LINGO1: variants seen among roughly 807,000 people sequenced by gnomAD.
LINGO1 encodes the protein leucine rich repeat and Ig domain containing 1.
In LINGO1, 11 loss-of-function variants were observed where a neutral mutation model predicts 37.3. The ratio of observed to expected loss-of-function variants is 0.29; its 90% confidence interval spans 0.19 to 0.49. The LOEUF (loss-of-function observed/expected upper bound fraction) is 0.49, where lower values mean the gene tolerates loss of function less well. Among genes scored for constraint, LINGO1 ranks in the 20% least tolerant of loss-of-function variants. LINGO1 has a pLI of 0.99. For missense variants in LINGO1, 585 were observed against 878.2 expected, an observed-to-expected ratio of 0.67 and a Z score of 4.22; for synonymous variants, 387 against 403.0, an observed-to-expected ratio of 0.96 and a Z score of 0.48.
chr15:77,718,297 C>T (rs1282165366), intron 2 of LINGO1, among the ~76,000 whole-genome samples: 1 of 150,956 alleles, frequency 6.6e-6, no homozygotes, highest in Non-Finnish European at 1.5e-5. Context: ...GGTTTAACAG[C>T]CACATGTATG....
chr15:77,693,057 C>T (rs1364351303), intron 1 of LINGO1, among the ~76,000 whole-genome samples: 1 of 152,220 alleles, frequency 6.6e-6, no homozygotes, highest in Non-Finnish European at 1.5e-5. Context: ...TCCCAGCTTA[C>T]ACACCCATGT....
intron 2 of LINGO1, among the ~76,000 whole-genome samples, chr15:77,793,396 A>G (rs1462994365): frequency 6.6e-6 from 1 of 152,176 alleles, no homozygotes; most frequent in Non-Finnish European, 1.5e-5. Context: ...AGCTTCCTCC[A>G]GGAGTTTAGA....
At chr15:77,713,830 T>C (rs2075950869) in intron 2 of LINGO1, among the ~76,000 whole-genome samples, 1 of 152,148 alleles carries the variant, frequency 6.6e-6, no homozygotes. Flanking sequence ...CCACATCCTT[T>C]TGGCTTTCCT....
At chr15:77,667,173 G>C (rs2075148681) in intron 3 of LINGO1, 1 of 152,580 alleles carries the variant, frequency 6.6e-6, no homozygotes, top group South Asian at 2.1e-4. Context: ...TGATTGCCTT[G>C]CTGTGGAGGT....
At chr15:77,662,861 T>C (rs1025803242) in intron 3 of LINGO1, among the ~76,000 whole-genome samples, 9 of 152,080 alleles carry the variant, frequency 5.9e-5, no homozygotes, top group Non-Finnish European at 1.0e-4. Flanking sequence ...AATATTTCAG[T>C]AGCTGACCAC....
chr15:77,799,879 G>A (rs752719914), intron 1 of LINGO1, among the ~76,000 whole-genome samples: 30 of 152,242 alleles, frequency 2.0e-4, no homozygotes, highest in African/African-American at 4.6e-4. Context: ...TGGAAGACCC[G>A]CCAGCTGTGT....
At chr15:77,668,726 T>C (rs111230315) in intron 3 of LINGO1, among the ~76,000 whole-genome samples, 7 of 150,712 alleles carry the variant, frequency 4.6e-5, no homozygotes, top group East Asian at 2.0e-4. Flanking sequence ...AACACATACA[T>C]TGTACGGTAT....
At chr15:77,680,207 AGTT>A (rs1237128353) in intron 2 of LINGO1, among the ~76,000 whole-genome samples, 4 of 152,180 alleles carry the variant, frequency 2.6e-5, no homozygotes, top group Non-Finnish European at 5.9e-5. Context: ...TAGGTCCCTG[AGTT>A]GTTGTGTGGA....
At chr15:77,776,466 C>CAGGAAGGCAGGAAGGG (rs1567577486) in intron 1 of LINGO1, among the ~76,000 whole-genome samples, 5 of 129,876 alleles carry the variant, frequency 3.8e-5, no homozygotes, top group African/African-American at 1.6e-4. Context: ...GGCAGGAAGG[C>CAGGAAGGCAGGAAGGG]AGGAAGGCAG....
At chr15:77,721,221 A>G (rs11856761) in intron 2 of LINGO1, among the ~76,000 whole-genome samples, 84,310 of 151,270 alleles carry the variant, frequency 0.56, 23,714 homozygotes, top group African/African-American at 0.65. Context: ...CCCGGCCCTA[A>G]CCCCCTCCAG....
chr15:77,802,054 A>G (rs1443341064), intron 1 of LINGO1, among the ~76,000 whole-genome samples: 1 of 152,170 alleles, frequency 6.6e-6, no homozygotes, highest in African/African-American at 2.4e-5. Context: ...TGCTGCAGGA[A>G]GGGAGAGAGA....
Position 77,729,687 on chromosome 15 carries a change from G to T in LINGO1, c.-195+5305C>A, listed in dbSNP as rs551410450. ...AGATGTTGGAATAGATATGGCTCCC[G>T]CTCCTCCAGGAAACCTACTCCTTCT... On this transcript the variant is annotated intron_variant, in intron 2 of 3. Transcript: ENST00000561686. Among the ~76,000 whole-genome samples, 18 of 152,284 alleles carry T rather than the reference G, an allele frequency of 1.2e-4. No individual in the cohort carries two copies. The South Asian group carries it at 2.7e-3, about 23-fold the overall frequency.
intron 1 of LINGO1, among the ~76,000 whole-genome samples, chr15:77,692,698 C>T (rs958760557): frequency 2.6e-5 from 4 of 152,178 alleles, no homozygotes; most frequent in South Asian, 2.1e-4. Context: ...TCCTCACCTC[C>T]GAGGGCAGCA....
At chr15:77,645,829 T>C (rs1596040301) in intron 3 of LINGO1, among the ~76,000 whole-genome samples, 1 of 152,366 alleles carries the variant, frequency 6.6e-6, no homozygotes, top group Middle Eastern at 3.4e-3. Flanking sequence ...AATTCTCCCT[T>C]TGTGGTGGGC....
chr15:77,693,202 C>T (rs531706683), intron 1 of LINGO1, among the ~76,000 whole-genome samples: 62 of 152,304 alleles, frequency 4.1e-4, no homozygotes, highest in African/African-American at 1.3e-3. Context: ...AATACTTATT[C>T]GGCACTTACT....
rs1375690594 is a variant in LINGO1, at chr15:77,726,010, C to A, written c.-195+8982G>T. Among the ~76,000 whole-genome samples the A allele has an allele frequency of 5.3e-5, 8 of 152,328 alleles. No homozygotes were observed. The South Asian group carries it at 1.7e-3, about 32-fold the overall frequency. On this transcript the variant is annotated intron_variant, in intron 2 of 3. Transcript: ENST00000561686. ...TTGGTTGGTAGGTTTCAGCTCAGAG[C>A]TTCTGCCAGCTGAGCACCCATGGTG...
upstream of LINGO1, among the ~76,000 whole-genome samples, chr15:77,700,754 A>G (rs1279481215): frequency 6.6e-6 from 1 of 152,224 alleles, no homozygotes; most frequent in African/African-American, 2.4e-5. Context: ...GGAATCTTCC[A>G]GAACCAAGCC....
At chr15:77,634,400 C>T, upstream of LINGO1, 1 of 453,604 alleles carries the variant, frequency 2.2e-6, no homozygotes, top group South Asian at 1.6e-5. Context: ...CAACCTAGGC[C>T]TAGCTAGAGT....
In LINGO1 at chr15:77,619,848, G is replaced by A. The variant is rs966353770; in HGVS notation, c.7-3948C>T. The stretch of plus-strand genomic sequence containing the variant: ...CAGAGCCATGGGCCATGCTCCGTGG[G>A]AGCAGGACAGCTCTGGGAGTGTACG... On this transcript the variant is annotated intron_variant, in intron 1 of 1. Transcript: ENST00000355300. Among the ~76,000 whole-genome samples the A allele has an allele frequency of 5.9e-5, 9 of 152,356 alleles. No homozygotes were observed. In the East Asian group the frequency reaches 1.2e-3, roughly 20 times the overall value.
Sources: gnomAD v4.1 joint callset for allele counts (sites outside exome capture counted in the v4.1 genomes callset) on GRCh38, gnomAD v4.1.1 for gene constraint, MANE v1.5 for transcripts, NCBI Gene and HGNC (gene_info 2026-07-23, HGNC 2026-07-21) for gene names.